NCAPG2: variants seen among roughly 807,000 people sequenced by gnomAD.
The protein encoded by NCAPG2 is condensin-2 complex subunit G2.
In NCAPG2, 53 loss-of-function variants were observed where a neutral mutation model predicts 141.1. That is an observed-to-expected ratio of 0.38 (90% CI 0.30 to 0.47). The LOEUF is 0.47. NCAPG2 is among the 20% of genes least tolerant of loss of function. The pLI, the probability that NCAPG2 is intolerant of heterozygous loss-of-function variation, is 0.99. For missense variants in NCAPG2, 1,087 were observed against 1,389.0 expected, an observed-to-expected ratio of 0.78 and a Z score of 3.46; for synonymous variants, 499 against 490.7, an observed-to-expected ratio of 1.02 and a Z score of -0.22.
At chr7:158,654,211 C>T (rs1242142625) in intron 22 of NCAPG2, among the ~76,000 whole-genome samples, 1 of 152,132 alleles carries the variant, frequency 6.6e-6, no homozygotes, top group East Asian at 1.9e-4. Context: ...TGGTGGGGTA[C>T]CACCCAATAA....
At chr7:158,699,926 G>GTTATTTATTTATTTATTTAT (rs146349286) in intron 2 of NCAPG2, among the ~76,000 whole-genome samples, 8 of 151,426 alleles carry the variant, frequency 5.3e-5, no homozygotes, top group African/African-American at 2.0e-4. Context: ...ATCTCTCTGG[G>GTTATTTATTTATTTATTTAT]TTATTTATTT....
intron 13 of NCAPG2, among the ~76,000 whole-genome samples, chr7:158,668,943 C>T (rs1442824141): frequency 1.3e-5 from 2 of 152,166 alleles, no homozygotes; most frequent in East Asian, 1.9e-4. Flanking sequence ...TCCAACAGGC[C>T]CCAGTATGTG....
rs756858059 is a variant in NCAPG2 at position 158,633,323 on chromosome 7, T to G, written c.3381-1606A>C. Among the ~76,000 whole-genome samples, 9 of 152,216 alleles carry G rather than the reference T, an allele frequency of 5.9e-5. No individual in the cohort carries two copies. Among genetic ancestry groups the G allele is most frequent in the Non-Finnish European group, 1.3e-4 (9 of 68,024 alleles). ...TATCACAGGAACCATCTCTGTAGTG[T>G]GTCTGTGACACTTGAGCTCTAGACT... On this transcript the variant is annotated intron_variant, in intron 27 of 27. Transcript: ENST00000356309. This position sits in a 1 kb window ranked among gnomAD's most constrained non-coding sequence, Gnocchi z 4.1.
chr7:158,640,189 G>C (rs1419609907), intron 27 of NCAPG2: 1 of 151,980 alleles, frequency 6.6e-6, no homozygotes, highest in African/African-American at 2.4e-5. Context: ...GAGCAAAAAA[G>C]AATTATATCC....
At chr7:158,704,287 GCTCT>G (rs1272908230) in intron 1 of NCAPG2, among the ~76,000 whole-genome samples, 1 of 137,054 alleles carries the variant, frequency 7.3e-6, no homozygotes, top group Admixed American at 7.2e-5. Flanking sequence ...TGAGGGGGTC[GCTCT>G]CTGAGGGTAG....
At chr7:158,679,874 G>A in intron 11 of NCAPG2, 86 bp downstream of exon 11, 1 of 1,495,038 alleles carries the variant, frequency 6.7e-7, no homozygotes, top group East Asian at 2.3e-5. Flanking sequence ...CGGTTACAGG[G>A]GAGGTGGGGA....
intron 1 of NCAPG2, 142 bp downstream of exon 1, chr7:158,704,582 C>G (rs1836049539): frequency 6.5e-6 from 1 of 152,966 alleles, no homozygotes. Context: ...AGAGGCAGCA[C>G]TGCCCGCACG....
At chr7:158,677,124 A>G in intron 11 of NCAPG2, among the ~76,000 whole-genome samples, 1 of 152,154 alleles carries the variant, frequency 6.6e-6, no homozygotes, top group Non-Finnish European at 1.5e-5. Context: ...TCCCCAGGAT[A>G]AAGTCTTACA....
chr7:158,693,658 A>G (rs1378882364), intron 2 of NCAPG2, among the ~76,000 whole-genome samples, 161 bp from the exon 3 acceptor site: 1 of 152,196 alleles, frequency 6.6e-6, no homozygotes, highest in Non-Finnish European at 1.5e-5. Context: ...AAGCACAGGG[A>G]TTCTCCACCT....
At chr7:158,649,517 C>A (rs1267227884) in intron 24 of NCAPG2, among the ~76,000 whole-genome samples, 1 of 152,094 alleles carries the variant, frequency 6.6e-6, no homozygotes, top group Non-Finnish European at 1.5e-5. Context: ...ACTCACAGGT[C>A]AAACATTTTT....
intron 3 of NCAPG2, among the ~76,000 whole-genome samples, 165 bp from the exon 4 acceptor site, chr7:158,693,121 A>G (rs557188517): frequency 3.9e-5 from 6 of 152,360 alleles, no homozygotes; most frequent in African/African-American, 7.2e-5. Flanking sequence ...AAGAACAGCA[A>G]TATTTAGTAT....
chr7:158,653,927 G>A (rs1205787416), intron 22 of NCAPG2, among the ~76,000 whole-genome samples: 5 of 152,134 alleles, frequency 3.3e-5, no homozygotes, highest in South Asian at 2.1e-4. Flanking sequence ...GAGGCTGGCC[G>A]TTAGGGGTTA....
At chr7:158,640,052 C>CAAAAAAAAAA (rs58368997) in intron 27 of NCAPG2, 4 of 98,324 alleles carry the variant, frequency 4.1e-5, no homozygotes, top group Admixed American at 1.1e-4. Context: ...GAATAAATGC[C>CAAAAAAAAAA]AAAAAAAAAA....
At chr7:158,668,545 G>A (rs1484455168) in intron 13 of NCAPG2, 7 of 619,214 alleles carry the variant, frequency 1.1e-5, no homozygotes, top group South Asian at 7.3e-5. Context: ...AAAATAGTCC[G>A]GCAGTGTGGC....
At chr7:158,699,951 T>A (rs1835681902) in intron 2 of NCAPG2, among the ~76,000 whole-genome samples, 1 of 152,156 alleles carries the variant, frequency 6.6e-6, no homozygotes, top group Non-Finnish European at 1.5e-5. Context: ...ATTTATTTAT[T>A]TATTTTAACC....
chr7:158,686,341 T>A, intron 7 of NCAPG2, 100 bp from the exon 8 acceptor site: 1 of 673,648 alleles, frequency 1.5e-6, no homozygotes, highest in Non-Finnish European at 2.4e-6. Context: ...AAGAAGAAAC[T>A]CAGTTTAAAC....
intron 13 of NCAPG2, chr7:158,665,113 G>C (rs545644890): frequency 1.7e-4 from 32 of 189,474 alleles, no homozygotes; most frequent in African/African-American, 7.4e-4. Flanking sequence ...TGTGAAAAGT[G>C]AGTAAAAATA....
chr7:158,669,101 C>T (rs916596965), intron 13 of NCAPG2, among the ~76,000 whole-genome samples: 1 of 152,182 alleles, frequency 6.6e-6, no homozygotes, highest in African/African-American at 2.4e-5. Context: ...AACATGATCT[C>T]GTTCCTTTTT....
At chr7:158,673,621 T>C (rs948106228) in intron 12 of NCAPG2, among the ~76,000 whole-genome samples, 37 of 152,186 alleles carry the variant, frequency 2.4e-4, no homozygotes, top group African/African-American at 8.4e-4. Context: ...ATGCTGTGGA[T>C]AGTCTGAATC....
Sources: allele counts gnomAD v4.1 joint callset (sites outside exome capture counted in the v4.1 genomes callset), GRCh38; gene constraint gnomAD v4.1.1; non-coding constraint Gnocchi (gnomAD v3.1); transcripts MANE v1.5; gene names NCBI Gene and HGNC (gene_info 2026-07-23, HGNC 2026-07-21).